SESN2: variants seen among roughly 807,000 people sequenced by gnomAD.
The protein encoded by SESN2 is sestrin-2.
A neutral mutation model predicts 56.0 loss-of-function variants in SESN2; 42 were observed. The ratio of observed to expected loss-of-function variants is 0.75; its 90% CI spans 0.59 to 0.97. The LOEUF (loss-of-function observed/expected upper bound fraction) is 0.97. Among genes scored for constraint, SESN2 ranks in the 50% least tolerant of loss-of-function variants. The pLI is 0.00. For synonymous variants in SESN2, 264 were observed against 267.1 expected (o/e 0.99, Z 0.11); for missense variants, 507 against 649.4 (o/e 0.78, Z 2.38).
chr1:28,267,196 T>C (rs938994066), intron 1 of SESN2, among the ~76,000 whole-genome samples: 4 of 151,836 alleles, frequency 2.6e-5, no homozygotes, highest in African/African-American at 7.3e-5. Context: ...CAAAGGGGAG[T>C]GCTCAGGGAT....
At chr1:28,275,215 A>T (rs1647988787) in intron 8 of SESN2, among the ~76,000 whole-genome samples, 200 bp downstream of exon 8, 3 of 152,156 alleles carry the variant, frequency 2.0e-5, no homozygotes, top group Admixed American at 2.0e-4. Context: ...TTGCACTCCC[A>T]GAGATAATTA....
In SESN2 at chr1:28,259,957, C is replaced by T; in HGVS notation, c.90+20C>T. 3 of 1,488,206 alleles carry T rather than the reference C, an allele frequency of 2.0e-6. No homozygotes were observed. The highest frequency in any genetic ancestry group is 1.2e-5 in the South Asian group (1 of 80,886). The allele number at this position is 1,488,206 out of a possible 1,614,324, so 92.2% of individuals were successfully genotyped here. Reference sequence around the variant, plus strand: ...GGAGAGGTAAGCGGCGGCCGCGCGACGCCCCTCTTCCCTGGAACCCCGAAC... The same window carrying T: ...GGAGAGGTAAGCGGCGGCCGCGCGATGCCCCTCTTCCCTGGAACCCCGAAC... On this transcript the variant is annotated intron_variant, in intron 1 of 9. Coordinates refer to ENST00000253063, the MANE Select transcript of SESN2 (RefSeq NM_031459.5).
At position 28,269,195 on chromosome 1, in the gene SESN2, A is replaced by G. The variant is rs749963359; in HGVS notation, c.103A>G (p.Ser35Gly). The change falls in exon 2 of 10, where the codon AGC becomes GGC. Residue 35 changes from serine (S) to glycine (G), a missense_variant. Physicochemically the swap from Ser to Gly is moderately conservative, Grantham distance 56. Coordinates refer to ENST00000253063, the MANE Select transcript of SESN2 (RefSeq NM_031459.5). ...TGTTTCCTCCCAGGAGCAGAGGGAGAGCCGGGCTCGGCGAGGCCCTCGAGG... is the reference window on the plus strand; with the variant it reads ...TGTTTCCTCCCAGGAGCAGAGGGAGGGCCGGGCTCGGCGAGGCCCTCGAGG... ...DSGPGEEQRE[S>G]RARRGPRGPS... The G allele has an allele frequency of 6.2e-7, 1 of 1,612,658 alleles. No homozygotes were observed. The highest frequency in any genetic ancestry group is 8.5e-7 in the Non-Finnish European group (1 of 1,179,308).
intron 3 of SESN2, 148 bp downstream of exon 3, chr1:28,272,019 G>T: frequency 1.1e-6 from 1 of 904,344 alleles, no homozygotes; most frequent in South Asian, 1.7e-5. Context: ...TGGGTTTTTT[G>T]TTTTTATTTT....
Position 28,280,624 on chromosome 1 carries a change from G to A in SESN2, c.1357-92G>A, listed in dbSNP as rs1648205957. 5.3e-6 allele frequency: 5 copies of A among 939,244 alleles called. No individual in the cohort carries two copies. The East Asian group carries it at 1.2e-4, about 22-fold the overall frequency. 58.2% of individuals were successfully genotyped at this position (939,244 alleles called of 1,614,324 possible). On this transcript the variant is annotated intron_variant, in intron 9 of 9. Coordinates refer to ENST00000253063, the MANE Select transcript of SESN2 (RefSeq NM_031459.5). ...GCAGCTCTGTAGGAAAGGAAATGGT[G>A]AGGTAAGTGGGTCAGGGATCAAGGC...
rs752545583 is a variant in SESN2, at chr1:28,259,931, C to G, written c.84C>G (p.Pro28=). Residue 28 remains proline (P), a synonymous_variant, in exon 1 of 10, where the codon CCC becomes CCG. Transcript: ENST00000253063. ...FAPGGVGDSG[P]GEEQRESRAR... ...CGGGCGGCGTCGGCGACTCGGGCCC[C>G]GGAGAGGTAAGCGGCGGCCGCGCGA... is the stretch of plus-strand genomic sequence containing the variant. 20 of 1,495,646 alleles carry G rather than the reference C, an allele frequency of 1.3e-5. No individual in the cohort carries two copies. The highest frequency in any genetic ancestry group is 1.5e-5 in the African/African-American group (1 of 68,594). The allele number at this position is 1,495,646 out of a possible 1,614,324, so 92.6% of individuals were successfully genotyped here. A position where few individuals can be genotyped will look rare whatever the true frequency, so the allele number is the denominator to read the frequency against.
rs138607929 is a variant in SESN2, at chr1:28,273,716, A to G, written c.901+208A>G. 9.9e-5 allele frequency among the ~76,000 whole-genome samples: 15 copies of G among 152,190 alleles called. 1 individual carries two copies. In the East Asian group the frequency reaches 2.9e-3, roughly 29 times the overall value. On this transcript the variant is annotated intron_variant, in intron 6 of 9. Coordinates refer to ENST00000253063, the MANE Select transcript of SESN2 (RefSeq NM_031459.5). ...TGCGACCACTGACGAGTCACTTCCT[A>G]GCTCAGGGCTTCAGGATTGCTGTGT...
intron 2 of SESN2, among the ~76,000 whole-genome samples, chr1:28,270,350 C>CAA (rs1166312841): frequency 1.0e-4 from 10 of 99,246 alleles, no homozygotes; most frequent in South Asian, 6.3e-4. Context: ...GACTCCGTCT[C>CAA]AAAAAAAAAA....
rs1385793239 is a variant in SESN2, at chr1:28,268,237, AGGT to A, written c.91-934_91-932del. 2.6e-5 allele frequency among the ~76,000 whole-genome samples: 4 copies of A among 152,076 alleles called. No homozygotes were observed. In the East Asian group the frequency reaches 5.8e-4, roughly 22 times the overall value. On this transcript the variant is annotated intron_variant, in intron 1 of 9. Transcript: ENST00000253063. ...AGACAAGAGGGGGTGGTAGTTAATGAGGTGGTGGTGGTGGGAGGACAGATAAGC... is the reference window on the plus strand; with the variant it reads ...AGACAAGAGGGGGTGGTAGTTAATGAGGTGGTGGTGGGAGGACAGATAAGC...
rs759274180 is a variant in SESN2 at position 28,272,701 on chromosome 1, G to T, written c.658G>T (p.Gly220Trp). Residue 220 changes from glycine to tryptophan, a missense_variant, in exon 5 of 10, where the codon GGG (glycine) becomes TGG (tryptophan). Coordinates refer to ENST00000253063, the MANE Select transcript of SESN2 (RefSeq NM_031459.5). ...FVFGCGILPEGDADGSPAPQA... is the reference protein window; with the variant it reads ...FVFGCGILPEWDADGSPAPQA... ...GTTTGGCTGTGGCATCCTCCCTGAG[G>T]GGGATGCAGATGGCAGCCCTGCCCC... 3.1e-6 allele frequency: 5 copies of T among 1,613,840 alleles called. No homozygotes were observed. The highest frequency in any genetic ancestry group is 4.5e-5 in the East Asian group (2 of 44,878).
In SESN2 at chr1:28,272,325, C is replaced by T. The variant is rs1647809443; in HGVS notation, c.396C>T (p.His132=). The change falls in exon 4 of 10, where the codon CAC becomes CAT. Residue 132 remains histidine (H), a synonymous_variant. Transcript: ENST00000253063. The stretch of plus-strand genomic sequence containing the variant: ...AGTGTTCTTACCTGGTAGGCTCCCA[C>T]ATGGCCGAGTTTCTGCAGACTGGTG... ...RHQCSYLVGS[H]MAEFLQTGGD... The T allele has an allele frequency of 3.7e-6, 6 of 1,614,114 alleles. No individual in the cohort carries two copies. The highest frequency in any genetic ancestry group is 4.2e-6 in the Non-Finnish European group (5 of 1,180,024).
chr1:28,274,683 C>T (rs1647958721), intron 7 of SESN2, 142 bp from the exon 8 acceptor site: 1 of 685,160 alleles, frequency 1.5e-6, no homozygotes, highest in South Asian at 1.8e-5. Context: ...CCTTCCTTGA[C>T]CTCTCAGGCC....
chr1:28,267,366 T>A (rs1056104355), intron 1 of SESN2, among the ~76,000 whole-genome samples: 2 of 152,198 alleles, frequency 1.3e-5, no homozygotes, highest in African/African-American at 4.8e-5. Flanking sequence ...GGCCTTTAAC[T>A]TTCCCAGAGC....
chr1:28,259,803 G>GT lies in SESN2; in HGVS notation c.-44dup. 1 of 1,346,248 alleles carries GT rather than the reference G, an allele frequency of 7.4e-7. No homozygotes were observed. Among genetic ancestry groups the GT allele is most frequent in the Non-Finnish European group, 9.6e-7 (1 of 1,041,680 alleles). 83.4% of individuals were successfully genotyped at this position (1,346,248 alleles called of 1,614,324 possible). ...GGGCGTCCCTCCGAAACCCACTCGGGTGCACGGGTCGTCGGCGAGCCGCGA... is the reference window on the plus strand; with the variant it reads ...GGGCGTCCCTCCGAAACCCACTCGGGTTGCACGGGTCGTCGGCGAGCCGCGA... On this transcript the variant is annotated 5_prime_UTR_variant, in exon 1 of 10. Transcript: ENST00000253063.
intron 1 of SESN2, among the ~76,000 whole-genome samples, chr1:28,260,804 C>T (rs1647349767): frequency 1.3e-5 from 2 of 152,042 alleles, no homozygotes; most frequent in African/African-American, 4.8e-5. Flanking sequence ...CGCACTCCCC[C>T]ACCACTACCA....
chr1:28,271,531 T>C, intron 2 of SESN2, 143 bp from the exon 3 acceptor site: 3 of 629,050 alleles, frequency 4.8e-6, no homozygotes, highest in Admixed American at 5.7e-5. Flanking sequence ...TATTAAAATA[T>C]GTGATCCTCC....
chr1:28,267,423 G>A (rs988774002), intron 1 of SESN2, among the ~76,000 whole-genome samples: 17 of 152,158 alleles, frequency 1.1e-4, no homozygotes, highest in Non-Finnish European at 2.5e-4. Context: ...CAGAGACTTT[G>A]TAGTCTTCTG....
At chr1:28,274,758 A>G in intron 7 of SESN2, 67 bp from the exon 8 acceptor site, 1 of 1,256,494 alleles carries the variant, frequency 8.0e-7, no homozygotes, top group South Asian at 1.4e-5. Flanking sequence ...CCAGGTCCAG[A>G]GGATGGGGGT....
chr1:28,267,161 T>C (rs923248225), intron 1 of SESN2, among the ~76,000 whole-genome samples: 1 of 152,178 alleles, frequency 6.6e-6, no homozygotes, highest in East Asian at 1.9e-4. Context: ...TTGGGCTTTT[T>C]CTTTGGTGAG....
Sources: allele counts gnomAD v4.1 joint callset (sites outside exome capture counted in the v4.1 genomes callset), GRCh38; gene constraint gnomAD v4.1.1; transcripts MANE v1.5; gene names NCBI Gene and HGNC (gene_info 2026-07-23, HGNC 2026-07-21).